The following PDE4D variants were observed in gnomAD, a reference collection of about 807,000 sequenced individuals.
The protein encoded by PDE4D is 3',5'-cyclic-AMP phosphodiesterase 4D.
In PDE4D, 24 loss-of-function variants were observed where a neutral mutation model predicts 87.4. That is an observed-to-expected ratio of 0.27 (90% confidence interval 0.20 to 0.39). The LOEUF is 0.39. Among genes scored for constraint, PDE4D ranks in the 10% least tolerant of loss-of-function variants. The probability of loss-of-function intolerance (pLI) is 1.00; values close to 1 mark genes in which losing one functional copy is unlikely to be tolerated. For synonymous variants in PDE4D, 384 were observed against 383.2 expected, an observed-to-expected ratio of 1.00 and a Z score of -0.02; for missense variants, 714 against 1,041.0, an observed-to-expected ratio of 0.69 and a Z score of 4.32.
chr5:59,060,432 G>A (rs925007452), intron 5 of PDE4D, among the ~76,000 whole-genome samples: 3 of 152,092 alleles, frequency 2.0e-5, no homozygotes, highest in African/African-American at 7.2e-5. Context: ...ATTCACTCAT[G>A]ATATAGGATT....
intron 6 of PDE4D, among the ~76,000 whole-genome samples, chr5:59,023,537 C>G (rs1047163933): frequency 6.6e-6 from 1 of 151,950 alleles, no homozygotes; most frequent in African/African-American, 2.4e-5. Flanking sequence ...ATGCCTGTGG[C>G]TCCATCCACT....
chr5:59,622,210 C>A (rs1370444944), intron 1 of PDE4D, among the ~76,000 whole-genome samples: 1 of 152,058 alleles, frequency 6.6e-6, no homozygotes, highest in Non-Finnish European at 1.5e-5. Flanking sequence ...CAAACACATA[C>A]CCACACACTA....
intron 1 of PDE4D, among the ~76,000 whole-genome samples, chr5:59,591,636 G>A (rs563277102): frequency 9.9e-5 from 15 of 152,186 alleles, no homozygotes; most frequent in African/African-American, 3.4e-4. Flanking sequence ...TATCTTATAT[G>A]AATACCAATA....
chr5:60,183,868 G>A (rs1784571539), intron 2 of PDE4D, among the ~76,000 whole-genome samples: 1 of 152,082 alleles, frequency 6.6e-6, no homozygotes, highest in African/African-American at 2.4e-5. Flanking sequence ...CTTCTAACTA[G>A]GCAATAAGTC....
intron 1 of PDE4D, among the ~76,000 whole-genome samples, chr5:59,478,913 C>T (rs1803765459): frequency 7.5e-6 from 1 of 132,524 alleles, no homozygotes; most frequent in Non-Finnish European, 1.6e-5. Flanking sequence ...TTCAATAAAT[C>T]ACAGTATAAC....
chr5:60,288,062 A>C (rs1477906153), intron 1 of PDE4D, among the ~76,000 whole-genome samples: 1 of 152,220 alleles, frequency 6.6e-6, no homozygotes, highest in Non-Finnish European at 1.5e-5. Context: ...CCAATGTAAC[A>C]AGGGTCTTCT....
At chr5:60,114,891 T>C (rs1216865128) in intron 2 of PDE4D, among the ~76,000 whole-genome samples, 2 of 152,026 alleles carry the variant, frequency 1.3e-5, no homozygotes, top group African/African-American at 4.8e-5. Context: ...TGTGTATATA[T>C]ATATGTATGA....
At chr5:59,401,300 C>T (rs1420874594) in intron 1 of PDE4D, among the ~76,000 whole-genome samples, 1 of 152,134 alleles carries the variant, frequency 6.6e-6, no homozygotes, top group East Asian at 1.9e-4. Flanking sequence ...TAAAAATTAG[C>T]TGGACATGGT....
intron 1 of PDE4D, among the ~76,000 whole-genome samples, chr5:59,474,619 T>C (rs1285661662): frequency 6.6e-6 from 1 of 152,134 alleles, no homozygotes; most frequent in Non-Finnish European, 1.5e-5. Context: ...GCATCAATCA[T>C]CTTGGGTCCC....
chr5:59,003,043 A>G (rs190738457), intron 6 of PDE4D, among the ~76,000 whole-genome samples: 3 of 152,260 alleles, frequency 2.0e-5, no homozygotes, highest in Admixed American at 6.5e-5. Context: ...TTTAAAATAT[A>G]TATGTTATAT....
intron 1 of PDE4D, among the ~76,000 whole-genome samples, chr5:59,444,709 G>A (rs919281270): frequency 5.3e-5 from 8 of 152,096 alleles, no homozygotes; most frequent in African/African-American, 1.7e-4. Flanking sequence ...CTACTCCGGA[G>A]GCTGAGGCAG....
intron 1 of PDE4D, among the ~76,000 whole-genome samples, chr5:59,600,548 T>C (rs1187798793): frequency 2.0e-5 from 3 of 152,138 alleles, no homozygotes; most frequent in Admixed American, 6.6e-5. Flanking sequence ...AGCCATTAAG[T>C]TGGGGGCTCC....
intron 1 of PDE4D, chr5:60,429,891 G>A (rs985782633): frequency 5.5e-5 from 16 of 290,006 alleles, no homozygotes; most frequent in Admixed American, 4.3e-4. Flanking sequence ...TGGTATATTT[G>A]ATGATTAGCA....
At chr5:59,586,961 G>C in intron 1 of PDE4D, 2 of 985,442 alleles carry the variant, frequency 2.0e-6, no homozygotes, top group Non-Finnish European at 2.4e-6. Context: ...CCTGGGCAGA[G>C]GGGCTAGAAA....
At chr5:59,029,360 T>G (rs1756865355) in intron 6 of PDE4D, among the ~76,000 whole-genome samples, 1 of 124,938 alleles carries the variant, frequency 8.0e-6, no homozygotes, top group African/African-American at 3.2e-5. Context: ...GAGCTTGCAG[T>G]AAGCCGAGAT....
chr5:59,257,946 C>A (rs942575989), intron 1 of PDE4D, among the ~76,000 whole-genome samples: 1 of 151,904 alleles, frequency 6.6e-6, no homozygotes, highest in African/African-American at 2.4e-5. Flanking sequence ...ACAGAAAACA[C>A]CCCAGTCAAA....
At chr5:59,713,647 T>C (rs1248091520) in intron 1 of PDE4D, among the ~76,000 whole-genome samples, 1 of 152,076 alleles carries the variant, frequency 6.6e-6, no homozygotes, top group Non-Finnish European at 1.5e-5. Context: ...GGGTTGGCAA[T>C]GTGGCCACGA....
At chr5:60,328,462 AT>A (rs1562328650) in intron 1 of PDE4D, among the ~76,000 whole-genome samples, 1 of 152,306 alleles carries the variant, frequency 6.6e-6, no homozygotes, top group Non-Finnish European at 1.5e-5. Flanking sequence ...TATTATATTC[AT>A]CTATATTGTT....
In PDE4D at chr5:59,020,433, A is replaced by G. The variant is rs1754917634; in HGVS notation, c.921+18426T>C. 2.6e-5 allele frequency among the ~76,000 whole-genome samples: 4 copies of G among 151,902 alleles called. No homozygotes were observed. In the South Asian group the frequency reaches 8.3e-4, roughly 32 times the overall value. On this transcript the variant is annotated intron_variant, in intron 6 of 14. Coordinates refer to ENST00000340635, the MANE Select transcript of PDE4D (RefSeq NM_001104631.2). The stretch of plus-strand genomic sequence containing the variant: ...GGTGGCAGTGAGCCGAGATTGTGCT[A>G]CTGCACTCCAGCTTGGGCAACAGAG...
Sources: allele counts gnomAD v4.1 joint callset (sites outside exome capture counted in the v4.1 genomes callset), GRCh38; gene constraint gnomAD v4.1.1; transcripts MANE v1.5; gene names NCBI Gene and HGNC (gene_info 2026-07-23, HGNC 2026-07-21).